PPP2R1B: variants seen among roughly 807,000 people sequenced by gnomAD.
The protein encoded by PPP2R1B is serine/threonine-protein phosphatase 2A 65 kDa regulatory subunit A beta isoform.
In PPP2R1B, 58 loss-of-function variants were observed where a neutral mutation model predicts 72.7. That is an observed-to-expected ratio of 0.80 (90% confidence interval 0.65 to 0.99). The LOEUF (loss-of-function observed/expected upper bound fraction) is 0.99. Among genes scored for constraint, PPP2R1B ranks in the 50% least tolerant of loss-of-function variants. The pLI is 0.00. For synonymous variants in PPP2R1B, 256 were observed against 264.6 expected, an observed-to-expected ratio of 0.97 and a Z score of 0.32; for missense variants, 695 against 733.6, an observed-to-expected ratio of 0.95 and a Z score of 0.61.
chr11:111,766,240 T>A lies in PPP2R1B; in HGVS notation c.114+8A>T, dbSNP rs1555053105. On this transcript the variant is annotated splice_region_variant and intron_variant, in intron 1 of 14. Transcript: ENST00000527614. Reference sequence around the variant, plus strand: ...TCTCGCCTCGGGTCCCCGGCCTCAGTCCAGTACCTGCACGTCTTCATTGCG... The same window carrying A: ...TCTCGCCTCGGGTCCCCGGCCTCAGACCAGTACCTGCACGTCTTCATTGCG... The A allele has an allele frequency of 2.5e-6, 4 of 1,613,566 alleles. No individual in the cohort carries two copies. The South Asian group carries it at 4.4e-5, about 18-fold the overall frequency.
At chr11:111,733,586 ACTGTTCATT>A (rs1944257589), downstream of PPP2R1B, among the ~76,000 whole-genome samples, 1 of 151,992 alleles carries the variant, frequency 6.6e-6, no homozygotes, top group African/African-American at 2.4e-5. Flanking sequence ...CCCTGAGGAG[ACTGTTCATT>A]GTCACCCCAG....
chr11:111,746,530 G>A (rs1473643337), intron 11 of PPP2R1B, among the ~76,000 whole-genome samples: 1 of 152,116 alleles, frequency 6.6e-6, no homozygotes, highest in Non-Finnish European at 1.5e-5. Flanking sequence ...TGCATGTGGG[G>A]CTTAAAACCT....
chr11:111,733,647 G>A (rs1944260130), downstream of PPP2R1B, among the ~76,000 whole-genome samples: 1 of 152,092 alleles, frequency 6.6e-6, no homozygotes, highest in South Asian at 2.1e-4. Context: ...TGGAATGGAG[G>A]AAAAGCCCAC....
At chr11:111,723,384 A>G (rs1943863615), downstream of PPP2R1B, 2 of 1,199,322 alleles carry the variant, frequency 1.7e-6, no homozygotes, top group Non-Finnish European at 2.3e-6. Context: ...TTTTGCTGAC[A>G]TGAGAGAGAC....
At chr11:111,733,524 C>T (rs996976319), downstream of PPP2R1B, among the ~76,000 whole-genome samples, 7 of 152,266 alleles carry the variant, frequency 4.6e-5, no homozygotes, top group East Asian at 5.8e-4. Flanking sequence ...GGCTCCAGCT[C>T]CTCACTCCCC....
At chr11:111,709,954 T>C in the PPP2R1B span, among the ~76,000 whole-genome samples, 41 of 152,156 alleles carry the variant, frequency 2.7e-4, no homozygotes, top group Non-Finnish European at 4.7e-4. Flanking sequence ...GACGGAGCAG[T>C]GTGTCGTAGT....
At chr11:111,701,717 G>A in the PPP2R1B span, 2 of 1,012,142 alleles carry the variant, frequency 2.0e-6, no homozygotes, top group Non-Finnish European at 2.8e-6. The surrounding 1 kb of genome is among the most constrained non-coding windows in gnomAD (Gnocchi z 4.2). Context: ...ATAGAAAGAA[G>A]CAACCTCCTT....
intron 5 of PPP2R1B, among the ~76,000 whole-genome samples, chr11:111,757,578 G>A (rs1555050089): frequency 6.6e-6 from 1 of 152,126 alleles, no homozygotes; most frequent in Non-Finnish European, 1.5e-5. Flanking sequence ...GCTCACACCT[G>A]TAATCCCAGC....
intron 15 of PPP2R1B, chr11:111,729,984 G>A (rs1177364781): frequency 6.8e-6 from 1 of 146,188 alleles, no homozygotes. Context: ...CACGGCATCA[G>A]GCCACCACTG....
In PPP2R1B at chr11:111,742,041, G is replaced by A. The variant is rs750225826; in HGVS notation, c.1789+12C>T. 6.2e-6 allele frequency: 10 copies of A among 1,602,514 alleles called. No homozygotes were observed. Among genetic ancestry groups the A allele is most frequent in the Admixed American group, 3.3e-5 (2 of 59,998 alleles). ...AGGCATAAGCTGCAAGGCAAAAGAA[G>A]GAAATACATACCACTTATAGCTTCC... On this transcript the variant is annotated intron_variant, in intron 14 of 14. Coordinates refer to ENST00000527614, the MANE Select transcript of PPP2R1B (RefSeq NM_002716.5).
At chr11:111,696,661 G>A in the PPP2R1B span, among the ~76,000 whole-genome samples, 1 of 152,286 alleles carries the variant, frequency 6.6e-6, no homozygotes. Context: ...GAATGCCCAA[G>A]TGATTGTTTT....
intron 3 of PPP2R1B, among the ~76,000 whole-genome samples, chr11:111,762,948 CAA>C (rs1169472451): frequency 2.0e-5 from 3 of 152,160 alleles, no homozygotes; most frequent in Admixed American, 6.5e-5. Flanking sequence ...ACAGAAGAAA[CAA>C]GGCAGACAAG....
the PPP2R1B span, among the ~76,000 whole-genome samples, chr11:111,690,119 T>C: frequency 1.3e-5 from 2 of 152,168 alleles, no homozygotes; most frequent in South Asian, 2.1e-4. Context: ...CATTTGTTTT[T>C]TTCCCTTCCT....
chr11:111,711,956 CGT>C, the PPP2R1B span, among the ~76,000 whole-genome samples: 2 of 152,228 alleles, frequency 1.3e-5, no homozygotes, highest in Non-Finnish European at 2.9e-5. Flanking sequence ...TCGTCACCTG[CGT>C]GAAAGTCAAG....
chr11:111,738,516 G>A lies in PPP2R1B; in HGVS notation c.*3080C>T. On this transcript the variant is annotated 3_prime_UTR_variant, in exon 15 of 15. Coordinates refer to ENST00000527614, the MANE Select transcript of PPP2R1B (RefSeq NM_002716.5). ...CAGGCTTGCTTCCCTGGAAGTCTAC[G>A]CAAGCAACCTGAATGCCTGGACAAG... The A allele has an allele frequency of 3.0e-6, 3 of 985,444 alleles. No individual in the cohort carries two copies. The highest frequency in any genetic ancestry group is 6.1e-5 in the Admixed American group (1 of 16,288). 61.0% of individuals were successfully genotyped at this position (985,444 alleles called of 1,614,324 possible).
Position 111,738,410 on chromosome 11 carries a change from C to G in PPP2R1B, c.*3186G>C, listed in dbSNP as rs1944404639. On this transcript the variant is annotated 3_prime_UTR_variant, in exon 15 of 15. Transcript: ENST00000527614. The stretch of plus-strand genomic sequence containing the variant: ...GCCAATGTGACGTCTAAGGGCAAGC[C>G]CCAGCCTTTCAGTTTAGTGACAACA... 1 of 985,344 alleles carries G rather than the reference C, an allele frequency of 1.0e-6. No homozygotes were observed. The highest frequency in any genetic ancestry group is 1.2e-6 in the Non-Finnish European group (1 of 829,970). The allele number at this position is 985,344 out of a possible 1,614,324, so 61.0% of individuals were successfully genotyped here.
chr11:111,725,652 G>GACTA (rs1431816173), downstream of PPP2R1B: 5 of 152,668 alleles, frequency 3.3e-5, no homozygotes, highest in African/African-American at 1.2e-4. Context: ...CAAAGAGAGG[G>GACTA]ACTAACTGAT....
chr11:111,766,137 G>C, intron 1 of PPP2R1B, 111 bp downstream of exon 1: 1 of 990,028 alleles, frequency 1.0e-6, no homozygotes, highest in Non-Finnish European at 1.5e-6. Flanking sequence ...TTTCTGCTAC[G>C]AGTCCGACTC....
chr11:111,755,165 C>A, intron 6 of PPP2R1B, 71 bp from the exon 7 acceptor site: 1 of 1,536,614 alleles, frequency 6.5e-7, no homozygotes, highest in Admixed American at 1.9e-5. Context: ...CAAAATTGTG[C>A]AATCTGTAAA....
Sources: gnomAD v4.1 joint callset for allele counts (sites outside exome capture counted in the v4.1 genomes callset) on GRCh38, gnomAD v4.1.1 for gene constraint, Gnocchi (gnomAD v3.1) non-coding constraint, MANE v1.5 for transcripts, NCBI Gene and HGNC (gene_info 2026-07-23, HGNC 2026-07-21) for gene names.